INPP4B: variants seen among roughly 807,000 people sequenced by gnomAD.
INPP4B encodes inositol polyphosphate 4-phosphatase type II.
Under a neutral mutation model 122.5 loss-of-function variants are expected in INPP4B, and 55 were observed. The ratio of observed to expected loss-of-function variants is 0.45; its 90% confidence interval spans 0.36 to 0.56. INPP4B has a LOEUF of 0.56. INPP4B is among the 20% of genes least tolerant of loss of function. INPP4B has a pLI of 0.00. For synonymous variants in INPP4B, 403 were observed against 388.7 expected (o/e 1.04, Z -0.43); for missense variants, 1,000 against 1,097.7 (o/e 0.91, Z 1.26).
chr4:142,757,713 T>C (rs1770704104), intron 1 of INPP4B, among the ~76,000 whole-genome samples: 1 of 138,268 alleles, frequency 7.2e-6, no homozygotes, highest in Non-Finnish European at 1.5e-5. Context: ...GCTTCCAAAT[T>C]TGGGCAATTA....
At chr4:142,351,027 C>T (rs1226816609) in intron 7 of INPP4B, among the ~76,000 whole-genome samples, 1 of 151,970 alleles carries the variant, frequency 6.6e-6, no homozygotes, top group African/African-American at 2.4e-5. Flanking sequence ...CAGCATCACC[C>T]TAGCTGTTTT....
At chr4:142,720,153 T>C (rs1764324756) in intron 2 of INPP4B, among the ~76,000 whole-genome samples, 1 of 152,210 alleles carries the variant, frequency 6.6e-6, no homozygotes, top group South Asian at 2.1e-4. Context: ...ACTTGTTACA[T>C]GTGAACAGAA....
At chr4:142,167,294 A>G (rs565136950) in intron 16 of INPP4B, among the ~76,000 whole-genome samples, 6 of 151,878 alleles carry the variant, frequency 4.0e-5, no homozygotes, top group Non-Finnish European at 5.9e-5. Flanking sequence ...ACACAGAAAC[A>G]GAAAACCAAA....
At chr4:142,434,978 C>T (rs187074077) in intron 3 of INPP4B, among the ~76,000 whole-genome samples, 6 of 152,224 alleles carry the variant, frequency 3.9e-5, no homozygotes, top group East Asian at 1.9e-4. Context: ...ATCCTGGGGC[C>T]GCAGGTTGGA....
chr4:142,100,945 A>G (rs1784208115), intron 23 of INPP4B, among the ~76,000 whole-genome samples: 1 of 152,126 alleles, frequency 6.6e-6, no homozygotes, highest in Non-Finnish European at 1.5e-5. Flanking sequence ...ACCATGTAGA[A>G]AAATGATTAA....
intron 2 of INPP4B, among the ~76,000 whole-genome samples, chr4:142,573,723 A>G (rs1273745157): frequency 3.9e-5 from 6 of 152,214 alleles, no homozygotes; most frequent in African/African-American, 1.4e-4. Context: ...TAAATCACAC[A>G]TTGACCAAGT....
At position 142,681,738 on chromosome 4, in the gene INPP4B, T is replaced by C. The variant is rs1758649570; in HGVS notation, c.-191+44101A>G. On this transcript the variant is annotated intron_variant, in intron 2 of 25. Transcript: ENST00000262992. The stretch of plus-strand genomic sequence containing the variant: ...AAAATAGCAATAATAGGAATGTTAA[T>C]AGTGGAAGAATAAGGCAGGTGACTT... Among the ~76,000 whole-genome samples the C allele has an allele frequency of 1.3e-5, 2 of 151,806 alleles. 1 individual carries two copies. Among genetic ancestry groups the C allele is most frequent in the Non-Finnish European group, 2.9e-5 (2 of 67,884 alleles).
At chr4:142,595,917 T>C (rs1738595937) in intron 2 of INPP4B, among the ~76,000 whole-genome samples, 1 of 152,146 alleles carries the variant, frequency 6.6e-6, no homozygotes, top group African/African-American at 2.4e-5. Context: ...TGGCACCATC[T>C]TGGCTCACTG....
At chr4:142,209,888 G>A (rs1844190251) in intron 12 of INPP4B, among the ~76,000 whole-genome samples, 2 of 149,180 alleles carry the variant, frequency 1.3e-5, no homozygotes, top group South Asian at 4.3e-4. Flanking sequence ...AAAGGACAAT[G>A]TATGAAACTA....
rs577780754 is a variant in INPP4B at position 142,657,980 on chromosome 4, C to T, written c.-191+67859G>A. 1.1e-4 allele frequency among the ~76,000 whole-genome samples: 17 copies of T among 152,268 alleles called. No homozygotes were observed. In the South Asian group the frequency reaches 3.5e-3, roughly 32 times the overall value. On this transcript the variant is annotated intron_variant, in intron 2 of 25. Coordinates refer to ENST00000262992, the MANE Select transcript of INPP4B (RefSeq NM_001101669.3). ...TAGGATCATTTGACATGTTTAGGTA[C>T]ATAGGATTGCCAAAATGTTATTCAA... is the stretch of plus-strand genomic sequence containing the variant.
intron 2 of INPP4B, among the ~76,000 whole-genome samples, chr4:142,688,021 A>G (rs1253215180): frequency 1.3e-5 from 2 of 152,100 alleles, no homozygotes; most frequent in Non-Finnish European, 2.9e-5. Flanking sequence ...TCACCTGAAA[A>G]CACTATCCTC....
intron 2 of INPP4B, among the ~76,000 whole-genome samples, chr4:142,608,054 C>T (rs926792658): frequency 6.6e-6 from 1 of 152,132 alleles, no homozygotes; most frequent in Non-Finnish European, 1.5e-5. Context: ...ATATTTACTG[C>T]TATATTTTCA....
chr4:142,129,766 C>T (rs1012985368), intron 18 of INPP4B, among the ~76,000 whole-genome samples: 4 of 152,110 alleles, frequency 2.6e-5, no homozygotes, highest in Non-Finnish European at 5.9e-5. Context: ...GTCTCTGATA[C>T]AGGAATTGAG....
At chr4:142,466,812 C>A (rs1817878231) in intron 2 of INPP4B, among the ~76,000 whole-genome samples, 1 of 152,162 alleles carries the variant, frequency 6.6e-6, no homozygotes, top group Admixed American at 6.5e-5. Context: ...TTGCCCTGAT[C>A]CGCCTTGGGA....
intron 7 of INPP4B, among the ~76,000 whole-genome samples, chr4:142,400,024 A>C (rs1412901552): frequency 6.6e-6 from 1 of 152,178 alleles, no homozygotes; most frequent in Non-Finnish European, 1.5e-5. Context: ...TAAGATAATC[A>C]ATCCTAGATC....
At chr4:142,124,473 C>T in intron 19 of INPP4B, 115 bp downstream of exon 19, 1 of 957,298 alleles carries the variant, frequency 1.0e-6, no homozygotes, top group Admixed American at 2.3e-5. Context: ...GATACCAAAA[C>T]TTTAAGGATC....
rs1857561860 is a variant in INPP4B, at chr4:142,238,314, G to A, written c.689-303C>T. 2.0e-5 allele frequency among the ~76,000 whole-genome samples: 3 copies of A among 151,856 alleles called. No individual in the cohort carries two copies. The South Asian group carries it at 6.2e-4, about 32-fold the overall frequency. ...ACTCCAAATCATAAATGTGGCTACT[G>A]TGGCTTTCTAGTTTACTACCTATTG... On this transcript the variant is annotated intron_variant, in intron 11 of 25. Transcript: ENST00000262992.
chr4:142,700,021 T>A (rs372028272), intron 2 of INPP4B, among the ~76,000 whole-genome samples: 3 of 152,068 alleles, frequency 2.0e-5, no homozygotes, highest in African/African-American at 4.8e-5. Context: ...AACAAAAAAA[T>A]TTTATTCAGC....
At chr4:142,642,434 T>C (rs969881581) in intron 2 of INPP4B, among the ~76,000 whole-genome samples, 16 of 152,204 alleles carry the variant, frequency 1.1e-4, no homozygotes, top group African/African-American at 3.9e-4. Flanking sequence ...CATCTTGAAT[T>C]AATTTTTGTA....
Sources: allele counts gnomAD v4.1 joint callset (sites outside exome capture counted in the v4.1 genomes callset), GRCh38; gene constraint gnomAD v4.1.1; transcripts MANE v1.5; gene names NCBI Gene and HGNC (gene_info 2026-07-23, HGNC 2026-07-21).